CADPS: variants seen among roughly 807,000 people sequenced by gnomAD.
CADPS encodes calcium dependent secretion activator.
CADPS carries 57 observed loss-of-function variants against 167.3 expected under a neutral mutation model. That is an observed-to-expected ratio of 0.34 (90% CI 0.28 to 0.42). The LOEUF (loss-of-function observed/expected upper bound fraction) is 0.42. CADPS is among the 20% of genes least tolerant of loss of function. CADPS has a pLI of 1.00. For synonymous variants in CADPS, 676 were observed against 635.3 expected (o/e 1.06, Z -0.96); for missense variants, 1,414 against 1,738.1 (o/e 0.81, Z 3.32).
intron 13 of CADPS, among the ~76,000 whole-genome samples, chr3:62,522,969 G>A (rs912658046): frequency 4.6e-5 from 7 of 152,116 alleles, no homozygotes; most frequent in South Asian, 2.1e-4. Context: ...CTGACACGGC[G>A]GGCATCTCCG....
intron 9 of CADPS, among the ~76,000 whole-genome samples, chr3:62,562,392 C>T (rs964515842): frequency 6.6e-6 from 1 of 152,178 alleles, no homozygotes; most frequent in Non-Finnish European, 1.5e-5. Flanking sequence ...CCATTATTTT[C>T]TATGTGAACC....
At chr3:62,814,973 T>A (rs1014166022) in intron 1 of CADPS, among the ~76,000 whole-genome samples, 1 of 152,200 alleles carries the variant, frequency 6.6e-6, no homozygotes, top group African/African-American at 2.4e-5. Flanking sequence ...GACTTCCGTC[T>A]TCTTTTTGGT....
At chr3:62,554,026 C>A (rs566671750) in intron 10 of CADPS, among the ~76,000 whole-genome samples, 2 of 152,314 alleles carry the variant, frequency 1.3e-5, no homozygotes, top group South Asian at 2.1e-4. Context: ...GCACTTCCAA[C>A]AACTTGCATG....
chr3:62,693,562 A>T (rs527916456), intron 3 of CADPS, among the ~76,000 whole-genome samples: 1 of 152,136 alleles, frequency 6.6e-6, no homozygotes, highest in Non-Finnish European at 1.5e-5. Context: ...CAGGCGGATC[A>T]CTTGAGGTCA....
At chr3:62,706,448 G>T (rs1427231384) in intron 3 of CADPS, among the ~76,000 whole-genome samples, 1 of 152,078 alleles carries the variant, frequency 6.6e-6, no homozygotes, top group Non-Finnish European at 1.5e-5. Flanking sequence ...AAATAGGAGA[G>T]AAAAGAACTA....
At chr3:62,448,313 C>G (rs975257769) in intron 26 of CADPS, among the ~76,000 whole-genome samples, 1 of 152,118 alleles carries the variant, frequency 6.6e-6, no homozygotes, top group African/African-American at 2.4e-5. Context: ...TTAAACACAC[C>G]ATTTACCATT....
At chr3:62,713,188 A>G (rs1189252042) in intron 3 of CADPS, among the ~76,000 whole-genome samples, 1 of 151,842 alleles carries the variant, frequency 6.6e-6, no homozygotes, top group Non-Finnish European at 1.5e-5. Context: ...AGATAATGTG[A>G]TGGGAGTTTG....
At chr3:62,732,455 C>T (rs563489384) in intron 3 of CADPS, among the ~76,000 whole-genome samples, 1 of 152,280 alleles carries the variant, frequency 6.6e-6, no homozygotes, top group East Asian at 1.9e-4. Context: ...CAGCCAACAC[C>T]TTCGTTGCAG....
chr3:62,674,675 A>T (rs1191442956), intron 3 of CADPS, among the ~76,000 whole-genome samples: 1 of 152,138 alleles, frequency 6.6e-6, no homozygotes, highest in Non-Finnish European at 1.5e-5. Flanking sequence ...GAACTAAAAA[A>T]CCCAAAATTA....
At chr3:62,819,407 C>CGTGTGTGTGTGTGT (rs3047244) in intron 1 of CADPS, among the ~76,000 whole-genome samples, 5 of 143,984 alleles carry the variant, frequency 3.5e-5, no homozygotes, top group African/African-American at 1.0e-4. Context: ...AATCTGTGTG[C>CGTGTGTGTGTGTGT]GTGTGTGTGT....
At chr3:62,785,625 T>C (rs576734437) in intron 1 of CADPS, among the ~76,000 whole-genome samples, 5 of 152,280 alleles carry the variant, frequency 3.3e-5, no homozygotes, top group Non-Finnish European at 7.4e-5. Context: ...AGTAAGCTGA[T>C]GATAAGAAAG....
At position 62,420,169 on chromosome 3, in the gene CADPS, T is replaced by C. The variant is rs1194455994; in HGVS notation, c.3778-16984A>G. Among the ~76,000 whole-genome samples the C allele has an allele frequency of 1.3e-5, 2 of 152,134 alleles. No individual in the cohort carries two copies. Among genetic ancestry groups the C allele is most frequent in the African/African-American group, 4.8e-5 (2 of 41,422 alleles). On this transcript the variant is annotated intron_variant, in intron 28 of 29. Coordinates refer to ENST00000383710, the MANE Select transcript of CADPS (RefSeq NM_003716.4). The surrounding 1 kb of genome is among the most constrained non-coding windows in gnomAD (Gnocchi z 4.1). The stretch of plus-strand genomic sequence containing the variant: ...ACCACACAGCTGGTTTCCAAGCAGA[T>C]AGTGAAAGGACACAAATATACCATC...
At chr3:62,480,020 ACC>A (rs2061794609) in intron 22 of CADPS, among the ~76,000 whole-genome samples, 1 of 151,644 alleles carries the variant, frequency 6.6e-6, no homozygotes, top group Non-Finnish European at 1.5e-5. Context: ...ACATTTTGAC[ACC>A]CATCTGGTTT....
In CADPS at chr3:62,786,278, T is replaced by C. The variant is rs553829362; in HGVS notation, c.442-20294A>G. Among the ~76,000 whole-genome samples the C allele has an allele frequency of 5.3e-5, 8 of 152,266 alleles. No individual in the cohort carries two copies. In the South Asian group the frequency reaches 1.7e-3, roughly 32 times the overall value. ...TTAATCAGTGAAAAAAAGGATGTTA[T>C]GCAGAAAGCAATTTAAAAGTAGAAA... On this transcript the variant is annotated intron_variant, in intron 1 of 29. Coordinates refer to ENST00000383710, the MANE Select transcript of CADPS (RefSeq NM_003716.4).
At chr3:62,631,170 AC>A (rs1434744746) in intron 6 of CADPS, among the ~76,000 whole-genome samples, 1 of 152,062 alleles carries the variant, frequency 6.6e-6, no homozygotes, top group African/African-American at 2.4e-5. Context: ...TATATGTAAT[AC>A]TTTTTCCTAG....
chr3:62,519,949 A>G (rs1414526477), intron 13 of CADPS, among the ~76,000 whole-genome samples: 1 of 152,204 alleles, frequency 6.6e-6, no homozygotes, highest in East Asian at 1.9e-4. Flanking sequence ...ATTTCTTTAA[A>G]CAACCTTCAG....
intron 28 of CADPS, among the ~76,000 whole-genome samples, chr3:62,414,443 T>C (rs1316168925): frequency 6.6e-6 from 1 of 152,260 alleles, no homozygotes; most frequent in African/African-American, 2.4e-5. Flanking sequence ...GCAAAGCTTT[T>C]GCCCTTTGCT....
intron 6 of CADPS, among the ~76,000 whole-genome samples, chr3:62,643,219 G>C (rs1482155512): frequency 6.6e-6 from 1 of 152,186 alleles, no homozygotes; most frequent in Non-Finnish European, 1.5e-5. Flanking sequence ...CAGGGCACTT[G>C]TACTCCTTCC....
At chr3:62,547,900 T>C (rs996410981) in intron 11 of CADPS, among the ~76,000 whole-genome samples, 37 of 152,238 alleles carry the variant, frequency 2.4e-4, no homozygotes, top group African/African-American at 7.2e-4. Context: ...CTTCATCTTA[T>C]ACTAGTGAGG....
Sources: gnomAD v4.1 joint callset for allele counts (sites outside exome capture counted in the v4.1 genomes callset) on GRCh38, gnomAD v4.1.1 for gene constraint, Gnocchi (gnomAD v3.1) non-coding constraint, MANE v1.5 for transcripts, NCBI Gene and HGNC (gene_info 2026-07-23, HGNC 2026-07-21) for gene names.